ZRANB2: variants seen among roughly 807,000 people sequenced by gnomAD.
ZRANB2 encodes zinc finger RANBP2-type containing 2.
In ZRANB2, 19 loss-of-function variants were observed where a neutral mutation model predicts 53.4. The ratio of observed to expected loss-of-function variants is 0.36; its 90% CI spans 0.25 to 0.52. The LOEUF is 0.52. ZRANB2 is among the 20% of genes least tolerant of loss of function. ZRANB2 has a pLI of 0.93. For synonymous variants in ZRANB2, 145 were observed against 134.8 expected (o/e 1.08, Z -0.52); for missense variants, 309 against 401.1 (o/e 0.77, Z 1.96).
intron 1 of ZRANB2, among the ~76,000 whole-genome samples, chr1:71,080,671 A>C (rs1302821790): frequency 6.6e-6 from 1 of 151,552 alleles, no homozygotes; most frequent in Non-Finnish European, 1.5e-5. Context: ...GTGGGGGCAA[A>C]AAGGTAGGCC....
At chr1:71,066,026 T>C (rs1661424290) in intron 9 of ZRANB2, 1 of 265,740 alleles carries the variant, frequency 3.8e-6, no homozygotes, top group Non-Finnish European at 7.0e-6. Context: ...CAGCAATTAA[T>C]AGACTTTACA....
intron 8 of ZRANB2, among the ~76,000 whole-genome samples, chr1:71,068,582 T>TA (rs1661514567): frequency 6.6e-6 from 1 of 152,262 alleles, no homozygotes; most frequent in Admixed American, 6.5e-5. Context: ...TTGTGCTCTA[T>TA]AAATAATAGC....
Position 71,066,836 on chromosome 1 carries a change from G to C in ZRANB2, c.869C>G (p.Ser290Cys), listed in dbSNP as rs756764637. 3.1e-6 allele frequency: 5 copies of C among 1,612,466 alleles called. No individual in the cohort carries two copies. The South Asian group carries it at 5.5e-5, about 18-fold the overall frequency. ...GCGATCACCAGATGAAGAAGATCTA[G>C]AACGACTTCTCTTTCTGTTCCTCTC... is the stretch of plus-strand genomic sequence containing the variant. ...SPERNRKRSR[S>C]RSSSSGDRKK... is the part of the protein sequence containing the mutation. The change falls in exon 9 of 10, where the codon TCT (serine) becomes TGT (cysteine). Residue 290 changes from serine (S) to cysteine (C), a missense_variant. Transcript: ENST00000370920.
At chr1:71,068,115 T>C (rs1214907178) in intron 8 of ZRANB2, among the ~76,000 whole-genome samples, 2 of 152,144 alleles carry the variant, frequency 1.3e-5, no homozygotes, top group Non-Finnish European at 2.9e-5. Flanking sequence ...CCCGCCCACC[T>C]TGGCCTCCCA....
At chr1:71,072,789 TATTTAA>T (rs1661622922) in intron 4 of ZRANB2, among the ~76,000 whole-genome samples, 4 of 152,142 alleles carry the variant, frequency 2.6e-5, no homozygotes, top group African/African-American at 9.6e-5. Flanking sequence ...CTACATGACT[TATTTAA>T]TTCATAGAAA....
chr1:71,065,333 T>C (rs749844956), intron 9 of ZRANB2, among the ~76,000 whole-genome samples, 196 bp from the exon 10 acceptor site: 7 of 152,040 alleles, frequency 4.6e-5, no homozygotes, highest in African/African-American at 1.4e-4. Context: ...ATCATATAAA[T>C]ACAATAAAAA....
At chr1:71,069,197 G>A (rs1223984919) in intron 8 of ZRANB2, 79 bp downstream of exon 8, 2 of 1,177,146 alleles carry the variant, frequency 1.7e-6, no homozygotes, top group South Asian at 1.6e-5. Flanking sequence ...GCAAAATAAG[G>A]GGAAAAAAAG....
At chr1:71,080,911 T>C (rs1661832471) in intron 1 of ZRANB2, 29 bp downstream of exon 1, 1 of 1,613,374 alleles carries the variant, frequency 6.2e-7, no homozygotes, top group Non-Finnish European at 8.5e-7. Flanking sequence ...ACAAACTCCG[T>C]CCCAATTCAG....
At position 71,070,856 on chromosome 1, in the gene ZRANB2, G is replaced by A. The variant is rs767706634; in HGVS notation, c.654C>T (p.Ser218=). ...ACCTAGACCTTGAACTTGAGGGGGA[G>A]GATGAGCGTGATGAAGATCGTGAAT... ...SSHSRSSSRS[S]SPSSSRSRSR... is the part of the protein sequence containing the mutation. Residue 218 remains serine, a synonymous_variant, in exon 7 of 10, where the codon TCC becomes TCT. Transcript: ENST00000370920. 2 of 1,604,456 alleles carry A rather than the reference G, an allele frequency of 1.2e-6. No homozygotes were observed. The highest frequency in any genetic ancestry group is 1.1e-5 in the South Asian group (1 of 89,818).
chr1:71,068,982 G>A (rs1162415775), intron 8 of ZRANB2, among the ~76,000 whole-genome samples: 1 of 151,780 alleles, frequency 6.6e-6, no homozygotes, highest in Admixed American at 6.6e-5. Context: ...CTAGAGATGT[G>A]GCGATAAGAC....
chr1:71,075,973 G>A (rs1229451161), intron 4 of ZRANB2, among the ~76,000 whole-genome samples: 1 of 152,124 alleles, frequency 6.6e-6, no homozygotes, highest in East Asian at 1.9e-4. Flanking sequence ...AGATTGAACA[G>A]TGGCCCTCTG....
chr1:71,067,850 AT>A (rs1661486703), intron 8 of ZRANB2: 1 of 317,190 alleles, frequency 3.2e-6, no homozygotes, highest in Admixed American at 5.6e-5. Context: ...AATGGTAACA[AT>A]AAAAAATAAT....
At position 71,066,763 on chromosome 1, in the gene ZRANB2, C is replaced by T. The variant is rs749830392; in HGVS notation, c.929+13G>A. 5 of 1,607,944 alleles carry T rather than the reference C, an allele frequency of 3.1e-6. No homozygotes were observed. Among genetic ancestry groups the T allele is most frequent in the Admixed American group, 1.7e-5 (1 of 59,134 alleles). On this transcript the variant is annotated intron_variant, in intron 9 of 9. Transcript: ENST00000370920. ...TTAAGAACACCCATTCTTATTTCTACAGAAACCCAAACCTTTCGGGTGACC... is the reference window on the plus strand; with the variant it reads ...TTAAGAACACCCATTCTTATTTCTATAGAAACCCAAACCTTTCGGGTGACC...
intron 5 of ZRANB2, 82 bp downstream of exon 5, chr1:71,072,390 A>G (rs1217984918): frequency 6.8e-7 from 1 of 1,480,730 alleles, no homozygotes; most frequent in African/African-American, 1.4e-5. Flanking sequence ...GCACTTAAAA[A>G]AAAGTTTGTT....
At chr1:71,065,163 G>C (rs930548073) in intron 9 of ZRANB2, 26 bp from the exon 10 acceptor site, 12 of 1,568,552 alleles carry the variant, frequency 7.7e-6, no homozygotes, top group African/African-American at 1.4e-5. Flanking sequence ...GAGAGAGTAG[G>C]CATTCTAGTA....
At position 71,077,508 on chromosome 1, in the gene ZRANB2, G is replaced by A. The variant is rs369764284; in HGVS notation, c.219-631C>T. On this transcript the variant is annotated intron_variant, in intron 3 of 9. Transcript: ENST00000370920. ...AATCCAGTGACCAAATCTGTAGCTG[G>A]AAACTTTTCCAATACAAATTTATAA... Among the ~76,000 whole-genome samples the A allele has an allele frequency of 3.6e-4, 55 of 152,248 alleles. 1 individual carries two copies. Among genetic ancestry groups the A allele is most frequent in the African/African-American group, 1.3e-3 (54 of 41,538 alleles).
intron 8 of ZRANB2, chr1:71,067,141 A>G: frequency 4.8e-6 from 2 of 416,798 alleles, no homozygotes. Flanking sequence ...TGTCTCTTTA[A>G]AATTCTATCA....
At chr1:71,071,989 T>C (rs1661604190) in intron 6 of ZRANB2, 132 bp downstream of exon 6, 1 of 1,360,804 alleles carries the variant, frequency 7.3e-7, no homozygotes, top group African/African-American at 1.5e-5. Context: ...AGAGTGGAAA[T>C]CCAAAACCTT....
chr1:71,080,241 G>A lies in ZRANB2; in HGVS notation c.56+699C>T, dbSNP rs574193865. On this transcript the variant is annotated intron_variant, in intron 1 of 9. Coordinates refer to ENST00000370920, the MANE Select transcript of ZRANB2 (RefSeq NM_203350.3). The stretch of plus-strand genomic sequence containing the variant: ...AAAATCTGATTAACTATCTAGTCGA[G>A]TACTGGCTTTGGCAACAATGTCAAA... Among the ~76,000 whole-genome samples, 4 of 151,948 alleles carry A rather than the reference G, an allele frequency of 2.6e-5. 1 individual carries two copies. In the South Asian group the frequency reaches 8.3e-4, roughly 31 times the overall value.
Sources: gnomAD v4.1 joint callset for allele counts (sites outside exome capture counted in the v4.1 genomes callset) on GRCh38, gnomAD v4.1.1 for gene constraint, MANE v1.5 for transcripts, NCBI Gene and HGNC (gene_info 2026-07-23, HGNC 2026-07-21) for gene names.